Variants in RNGTT observed in about 807,000 individuals in gnomAD.
RNGTT encodes RNA guanylyltransferase and 5'-phosphatase, also known as mRNA-capping enzyme.
A neutral mutation model predicts 79.3 loss-of-function variants in RNGTT; 33 were observed. The ratio of observed to expected loss-of-function variants is 0.42; its 90% CI spans 0.32 to 0.56. The LOEUF (loss-of-function observed/expected upper bound fraction) is 0.56, where lower values mean the gene tolerates loss of function less well. Among genes scored for constraint, RNGTT ranks in the 20% least tolerant of loss-of-function variants. The pLI, the probability that RNGTT is intolerant of heterozygous loss-of-function variation, is 0.17. For missense variants in RNGTT, 497 were observed against 739.1 expected, an observed-to-expected ratio of 0.67 and a Z score of 3.80; for synonymous variants, 222 against 235.9, an observed-to-expected ratio of 0.94 and a Z score of 0.54.
At chr6:88,821,271 G>A (rs1256936969) in intron 11 of RNGTT, among the ~76,000 whole-genome samples, 1 of 152,050 alleles carries the variant, frequency 6.6e-6, no homozygotes, top group East Asian at 1.9e-4. Flanking sequence ...AAATTCTGAA[G>A]TTGCAAACTT....
At chr6:88,831,023 G>C (rs1048558336) in intron 11 of RNGTT, among the ~76,000 whole-genome samples, 1 of 152,106 alleles carries the variant, frequency 6.6e-6, no homozygotes, top group African/African-American at 2.4e-5. Flanking sequence ...AGAGGAGCTG[G>C]TACCATTCCT....
At chr6:88,676,222 G>A (rs1322244590) in intron 14 of RNGTT, among the ~76,000 whole-genome samples, 1 of 152,162 alleles carries the variant, frequency 6.6e-6, no homozygotes, top group Non-Finnish European at 1.5e-5. Flanking sequence ...TAGGTCAATG[G>A]AATGGAAGAG....
chr6:88,713,085 C>T (rs1417588905), intron 13 of RNGTT, among the ~76,000 whole-genome samples: 2 of 152,056 alleles, frequency 1.3e-5, no homozygotes, highest in East Asian at 1.9e-4. Flanking sequence ...TTTGTGTTCC[C>T]TCAAGTCATG....
intron 10 of RNGTT, among the ~76,000 whole-genome samples, chr6:88,847,588 A>G (rs1170527718): frequency 3.3e-5 from 5 of 152,168 alleles, no homozygotes; most frequent in Admixed American, 2.6e-4. Context: ...AAATGTAAAA[A>G]TATACGTGGC....
chr6:88,846,326 T>G (rs1377611615), intron 10 of RNGTT, among the ~76,000 whole-genome samples: 1 of 152,254 alleles, frequency 6.6e-6, no homozygotes, highest in Admixed American at 6.5e-5. Context: ...ATTACTATAA[T>G]GAAAACCCTT....
intron 1 of RNGTT, among the ~76,000 whole-genome samples, chr6:88,945,698 A>G (rs773187499): frequency 2.6e-5 from 4 of 152,214 alleles, no homozygotes; most frequent in Non-Finnish European, 4.4e-5. Context: ...TTCTTCCAGG[A>G]CACAATGAAA....
intron 4 of RNGTT, among the ~76,000 whole-genome samples, chr6:88,909,183 C>T (rs1384979304): frequency 6.6e-6 from 1 of 152,194 alleles, no homozygotes; most frequent in Non-Finnish European, 1.5e-5. Flanking sequence ...TGGCTTGGAG[C>T]ATCTGAAATG....
intron 12 of RNGTT, among the ~76,000 whole-genome samples, chr6:88,770,327 C>T (rs556435325): frequency 6.6e-6 from 1 of 152,282 alleles, no homozygotes; most frequent in African/African-American, 2.4e-5. Context: ...AGTCAATTCC[C>T]TCCGTCAGCA....
At chr6:88,949,108 T>C (rs1212257040) in intron 1 of RNGTT, among the ~76,000 whole-genome samples, 1 of 32,542 alleles carries the variant, frequency 3.1e-5, no homozygotes. Context: ...GAATTATCAA[T>C]AAAAAAATAA....
chr6:88,819,363 G>C (rs955259819), intron 11 of RNGTT, among the ~76,000 whole-genome samples: 6 of 152,066 alleles, frequency 3.9e-5, no homozygotes, highest in African/African-American at 1.2e-4. Context: ...GAATTAAACA[G>C]CCCCAAGAAA....
chr6:88,745,276 C>T (rs1777624586), intron 13 of RNGTT, among the ~76,000 whole-genome samples: 1 of 152,198 alleles, frequency 6.6e-6, no homozygotes, highest in South Asian at 2.1e-4. Context: ...GAAAACAGCA[C>T]ATCATTTCTG....
At chr6:88,872,953 T>C (rs1435860803) in intron 8 of RNGTT, among the ~76,000 whole-genome samples, 2 of 152,070 alleles carry the variant, frequency 1.3e-5, no homozygotes, top group African/African-American at 4.8e-5. Flanking sequence ...TTTTTAGCTA[T>C]GTACAACAAT....
At chr6:88,954,239 A>G (rs2127965255) in intron 1 of RNGTT, among the ~76,000 whole-genome samples, 1 of 152,232 alleles carries the variant, frequency 6.6e-6, no homozygotes, top group African/African-American at 2.4e-5. Flanking sequence ...CCTTCAAGAG[A>G]CTCACCTAAT....
intron 8 of RNGTT, among the ~76,000 whole-genome samples, chr6:88,871,795 T>C (rs775735294): frequency 6.6e-6 from 1 of 152,098 alleles, no homozygotes; most frequent in Non-Finnish European, 1.5e-5. Context: ...CTACCATAAA[T>C]CCTTTCTTCT....
At chr6:88,741,418 T>C (rs1257449858) in intron 13 of RNGTT, among the ~76,000 whole-genome samples, 3 of 151,864 alleles carry the variant, frequency 2.0e-5, no homozygotes, top group Admixed American at 1.3e-4. Flanking sequence ...ATGGTAACCA[T>C]AGACAATGGG....
chr6:88,910,612 G>A (rs1783800487), intron 4 of RNGTT, among the ~76,000 whole-genome samples: 1 of 152,300 alleles, frequency 6.6e-6, no homozygotes, highest in Admixed American at 6.5e-5. Flanking sequence ...TTGCTAGACA[G>A]GTCAACATGC....
chr6:88,901,369 G>A (rs1015593111), intron 6 of RNGTT, among the ~76,000 whole-genome samples: 1 of 151,014 alleles, frequency 6.6e-6, no homozygotes, highest in African/African-American at 2.4e-5. Flanking sequence ...TAAAACTGCT[G>A]AAAATCAAAA....
intron 4 of RNGTT, among the ~76,000 whole-genome samples, chr6:88,928,732 T>C (rs556710869): frequency 6.6e-6 from 1 of 152,294 alleles, no homozygotes; most frequent in Non-Finnish European, 1.5e-5. Flanking sequence ...AAAATAAATA[T>C]GTAGTGTTTA....
intron 1 of RNGTT, among the ~76,000 whole-genome samples, chr6:88,948,432 T>A (rs1259963720): frequency 0.014 from 1,889 of 132,822 alleles, no homozygotes; most frequent in African/African-American, 0.052. Context: ...CGGCCGCCCC[T>A]ACTGGGAAGT....
Sources: allele counts gnomAD v4.1 joint callset (sites outside exome capture counted in the v4.1 genomes callset), GRCh38; gene constraint gnomAD v4.1.1; transcripts MANE v1.5; gene names NCBI Gene and HGNC (gene_info 2026-07-23, HGNC 2026-07-21).